GRM5: variants seen among roughly 807,000 people sequenced by gnomAD.
GRM5 encodes the protein metabotropic glutamate receptor 5.
In GRM5, 19 loss-of-function variants were observed where a neutral mutation model predicts 83.1. The ratio of observed to expected loss-of-function variants is 0.23; its 90% CI spans 0.16 to 0.34. GRM5 has a LOEUF of 0.34. Among genes scored for constraint, GRM5 ranks in the 10% least tolerant of loss-of-function variants. GRM5 has a pLI of 1.00. For missense variants in GRM5, 1,160 were observed against 1,588.3 expected, an observed-to-expected ratio of 0.73 and a Z score of 4.58; for synonymous variants, 675 against 633.6, an observed-to-expected ratio of 1.07 and a Z score of -0.98.
intron 2 of GRM5, among the ~76,000 whole-genome samples, chr11:88,973,335 G>T (rs1345817729): frequency 3.3e-5 from 5 of 152,102 alleles, no homozygotes; most frequent in Non-Finnish European, 5.9e-5. Context: ...TTTAAGTGTT[G>T]TCATATAACA....
At chr11:88,515,603 A>G (rs1010401852) in intron 9 of GRM5, among the ~76,000 whole-genome samples, 10 of 152,166 alleles carry the variant, frequency 6.6e-5, no homozygotes, top group African/African-American at 2.4e-4. Context: ...AGTGTCAACT[A>G]AAAATAAATT....
chr11:88,566,786 T>C (rs1025400388), intron 8 of GRM5, among the ~76,000 whole-genome samples: 4 of 152,178 alleles, frequency 2.6e-5, no homozygotes, highest in African/African-American at 9.7e-5. Flanking sequence ...CTCTGCTCTG[T>C]CTGCCCTCTC....
At chr11:88,784,092 G>C (rs955633485) in intron 3 of GRM5, among the ~76,000 whole-genome samples, 1 of 151,882 alleles carries the variant, frequency 6.6e-6, no homozygotes, top group Non-Finnish European at 1.5e-5. Flanking sequence ...ATACCACCAT[G>C]GCCATAATTT....
At chr11:88,752,978 G>C (rs1942313297) in intron 3 of GRM5, among the ~76,000 whole-genome samples, 1 of 152,030 alleles carries the variant, frequency 6.6e-6, no homozygotes, top group Non-Finnish European at 1.5e-5. Context: ...AAAGAATTAA[G>C]TGTAAAACTC....
chr11:88,758,909 C>T (rs920293945), intron 3 of GRM5, among the ~76,000 whole-genome samples: 1 of 152,110 alleles, frequency 6.6e-6, no homozygotes, highest in Non-Finnish European at 1.5e-5. Context: ...AGAAACCCTA[C>T]AAGCCAGAAG....
intron 2 of GRM5, among the ~76,000 whole-genome samples, chr11:89,025,837 C>A (rs572755323): frequency 6.6e-6 from 1 of 152,158 alleles, no homozygotes; most frequent in Non-Finnish European, 1.5e-5. Context: ...ACTGGTTATA[C>A]AACCAAAGGA....
At position 89,047,456 on chromosome 11, in the gene GRM5, G is replaced by T; in HGVS notation, c.417C>A (p.Ser139=). The change falls in exon 2 of 10, where the codon TCC becomes TCA. Residue 139 remains serine (S), a synonymous_variant. Transcript: ENST00000305447. This position sits in a 1 kb window ranked among gnomAD's most constrained non-coding sequence, Gnocchi z 5.1. ...CAATGACCCCTACTATGGGCTTCTT[G>T]GAGCGGAAGGAAGAGGAGGAGCCAT... The part of the protein sequence containing the change: ...CVDGSSSSFR[S]KKPIVGVIGP... 1 of 1,614,164 alleles carries T rather than the reference G, an allele frequency of 6.2e-7. No individual in the cohort carries two copies. Among genetic ancestry groups the T allele is most frequent in the Non-Finnish European group, 8.5e-7 (1 of 1,180,002 alleles).
chr11:88,750,617 T>A (rs1171621611), intron 3 of GRM5, among the ~76,000 whole-genome samples: 1 of 152,112 alleles, frequency 6.6e-6, no homozygotes, highest in Admixed American at 6.6e-5. Flanking sequence ...TCCACCCAAA[T>A]TCAATAGAAT....
intron 3 of GRM5, among the ~76,000 whole-genome samples, chr11:88,782,067 G>T (rs1942985628): frequency 6.6e-6 from 1 of 152,024 alleles, no homozygotes; most frequent in East Asian, 1.9e-4. Flanking sequence ...TACAGACTTT[G>T]TTACTGTATT....
intron 2 of GRM5, among the ~76,000 whole-genome samples, chr11:88,927,542 T>C (rs1945810920): frequency 6.6e-6 from 1 of 152,168 alleles, no homozygotes; most frequent in South Asian, 2.1e-4. Context: ...TATCATAAAA[T>C]TGGCAATTTT....
intron 2 of GRM5, among the ~76,000 whole-genome samples, chr11:88,965,803 A>C (rs1353545441): frequency 2.0e-5 from 3 of 152,182 alleles, no homozygotes; most frequent in African/African-American, 7.2e-5. Context: ...ATTGTAGTGG[A>C]TTTGGAGGCA....
At chr11:88,862,379 A>C (rs1307069479) in intron 2 of GRM5, among the ~76,000 whole-genome samples, 1 of 152,084 alleles carries the variant, frequency 6.6e-6, no homozygotes, top group Admixed American at 6.6e-5. Context: ...TTCACTTAGC[A>C]AACTTTATTG....
intron 3 of GRM5, among the ~76,000 whole-genome samples, chr11:88,680,287 A>C (rs1488982156): frequency 1.3e-5 from 2 of 150,876 alleles, no homozygotes; most frequent in Non-Finnish European, 3.0e-5. Context: ...TCCTGTGTCC[A>C]AGTGTTATCA....
At chr11:88,659,116 G>T (rs141856797) in intron 3 of GRM5, among the ~76,000 whole-genome samples, 191 of 152,270 alleles carry the variant, frequency 1.3e-3, no homozygotes, top group African/African-American at 4.5e-3. Flanking sequence ...ATATTTATAA[G>T]GAATCTTAAT....
rs150873661 is a variant in GRM5, at chr11:88,582,320, T to C, written c.1690+8281A>G. The stretch of plus-strand genomic sequence containing the variant: ...TTGTGCCACCACTGCATTTGGTGTG[T>C]GGTTTAACTATTGTATGCATTATAT... On this transcript the variant is annotated intron_variant, in intron 7 of 9. Coordinates refer to ENST00000305447, the MANE Select transcript of GRM5 (RefSeq NM_001143831.3). Among the ~76,000 whole-genome samples the C allele has an allele frequency of 8.5e-5, 13 of 152,324 alleles. No homozygotes were observed. In the East Asian group the frequency reaches 1.7e-3, roughly 20 times the overall value.
chr11:88,647,743 C>A (rs902142924), intron 4 of GRM5, among the ~76,000 whole-genome samples: 5 of 152,054 alleles, frequency 3.3e-5, no homozygotes, highest in African/African-American at 1.2e-4. Context: ...AAAATTTTTG[C>A]AACCTATTGA....
intron 3 of GRM5, among the ~76,000 whole-genome samples, chr11:88,730,941 A>C (rs748291805): frequency 2.6e-5 from 4 of 152,126 alleles, no homozygotes; most frequent in African/African-American, 4.8e-5. Context: ...TGGGTGCAAC[A>C]AACCACCATG....
chr11:88,722,784 A>T (rs528009963), intron 3 of GRM5, among the ~76,000 whole-genome samples: 1 of 152,278 alleles, frequency 6.6e-6, no homozygotes, highest in South Asian at 2.1e-4. Flanking sequence ...ATACCGCCTC[A>T]TCCCCAGTTT....
At chr11:89,064,854 T>TTCTCTCTCTCTC (rs144985912) in intron 1 of GRM5, among the ~76,000 whole-genome samples, 80 of 46,076 alleles carry the variant, frequency 1.7e-3, no homozygotes, top group African/African-American at 5.0e-3. Context: ...ATTTTTCATA[T>TTCTCTCTCTCTC]TCTCTCTCTC....
Sources: allele counts gnomAD v4.1 joint callset (sites outside exome capture counted in the v4.1 genomes callset), GRCh38; gene constraint gnomAD v4.1.1; non-coding constraint Gnocchi (gnomAD v3.1); transcripts MANE v1.5; gene names NCBI Gene and HGNC (gene_info 2026-07-23, HGNC 2026-07-21).